Variants in CTTNBP2 observed in about 807,000 individuals in gnomAD.
The protein encoded by CTTNBP2 is cortactin-binding protein 2.
CTTNBP2 carries 108 observed loss-of-function variants against 156.9 expected under a neutral mutation model. The ratio of observed to expected loss-of-function variants is 0.69; its 90% CI spans 0.59 to 0.81. The LOEUF (loss-of-function observed/expected upper bound fraction) is 0.81, where lower values mean the gene tolerates loss of function less well. Among genes scored for constraint, CTTNBP2 ranks in the 30% least tolerant of loss-of-function variants. CTTNBP2 has a pLI of 0.00. For missense variants in CTTNBP2, 1,924 were observed against 2,035.4 expected (o/e 0.95, Z 1.05); for synonymous variants, 767 against 751.8 (o/e 1.02, Z -0.33).
chr7:117,817,760 A>T (rs1019018966), intron 2 of CTTNBP2, among the ~76,000 whole-genome samples: 1 of 152,032 alleles, frequency 6.6e-6, no homozygotes, highest in Admixed American at 6.6e-5. Flanking sequence ...AACAAAAAAA[A>T]CTTTTATTGA....
In CTTNBP2 at chr7:117,720,956, C is replaced by T; in HGVS notation, c.4511+111G>A. On this transcript the variant is annotated intron_variant, in intron 20 of 22. Transcript: ENST00000160373. ...ATGACATATATAACTTTTTTAAAAC[C>T]ATATTAACATAATAGTCATTCAAAT... 3.9e-6 allele frequency: 3 copies of T among 772,520 alleles called. No individual in the cohort carries two copies. The South Asian group carries it at 4.5e-5, about 12-fold the overall frequency. 47.9% of individuals were successfully genotyped at this position (772,520 alleles called of 1,614,324 possible).
intron 3 of CTTNBP2, among the ~76,000 whole-genome samples, chr7:117,803,823 TGAA>T (rs1202536451): frequency 6.6e-6 from 1 of 152,118 alleles, no homozygotes; most frequent in African/African-American, 2.4e-5. Context: ...CAAATGGCAT[TGAA>T]GAAGGAACTA....
chr7:117,719,403 C>CATACT lies in CTTNBP2; in HGVS notation c.4644+96_4644+100dup, dbSNP rs1794650393. 6.3e-6 allele frequency: 7 copies of CATACT among 1,108,904 alleles called. No individual in the cohort carries two copies. The East Asian group carries it at 1.7e-4, about 27-fold the overall frequency. 68.7% of individuals were successfully genotyped at this position (1,108,904 alleles called of 1,614,324 possible). ...GGATGGTTTGATTTGGATCATTAAC[C>CATACT]ATACTATCAATAAGGAATTTCTTTT... is the stretch of plus-strand genomic sequence containing the variant. On this transcript the variant is annotated intron_variant, in intron 21 of 22. Transcript: ENST00000160373.
At chr7:117,866,931 T>G (rs988176880) in intron 1 of CTTNBP2, among the ~76,000 whole-genome samples, 2 of 152,158 alleles carry the variant, frequency 1.3e-5, no homozygotes, top group Non-Finnish European at 2.9e-5. Flanking sequence ...TAAGCAAGAT[T>G]TATGCTTTGG....
chr7:117,795,999 C>T (rs1412173548), intron 3 of CTTNBP2, among the ~76,000 whole-genome samples: 1 of 152,210 alleles, frequency 6.6e-6, no homozygotes, highest in South Asian at 2.1e-4. Context: ...CAAATCTTCA[C>T]CCAGTGACCA....
intron 5 of CTTNBP2, among the ~76,000 whole-genome samples, chr7:117,783,180 CGTGT>C (rs3059528): frequency 2.6e-5 from 4 of 151,548 alleles, no homozygotes; most frequent in Non-Finnish European, 5.9e-5. Context: ...CACTAAGATG[CGTGT>C]GTGTGTGTGC....
At position 117,740,313 on chromosome 7, in the gene CTTNBP2, C is replaced by G. The variant is rs141042684; in HGVS notation, c.3536-4892G>C. Reference sequence around the variant, plus strand: ...AATTATTTAAAATACTTTTGCTACTCTTCATTTCTGTCTTTTTGCTCACAC... The same window carrying G: ...AATTATTTAAAATACTTTTGCTACTGTTCATTTCTGTCTTTTTGCTCACAC... On this transcript the variant is annotated intron_variant, in intron 14 of 22. Transcript: ENST00000160373. 6.8e-3 allele frequency among the ~76,000 whole-genome samples: 1,011 copies of G among 148,800 alleles called. 5 individuals are homozygous for G. The highest frequency in any genetic ancestry group is 0.011 in the Non-Finnish European group (725 of 67,242).
At chr7:117,757,528 TAAAAAAAAAAAA>T (rs56687697) in intron 11 of CTTNBP2, among the ~76,000 whole-genome samples, 1 of 91,442 alleles carries the variant, frequency 1.1e-5, no homozygotes, top group Non-Finnish European at 2.2e-5. Flanking sequence ...TTAAGCACAG[TAAAAAAAAAAAA>T]AAAAAAAAAA....
Position 117,755,707 on chromosome 7 carries a change from A to T in CTTNBP2, c.3348+848T>A, listed in dbSNP as rs1297243570. The T allele has an allele frequency of 1.8e-5, 6 of 333,738 alleles. No homozygotes were observed. The East Asian group carries it at 5.8e-4, about 32-fold the overall frequency. 20.7% of individuals were successfully genotyped at this position (333,738 alleles called of 1,614,324 possible). The stretch of plus-strand genomic sequence containing the variant: ...GCAAAGCATTACATTTATCCATTTT[A>T]CATTTATAATTTGCTACTTTCTTTT... On this transcript the variant is annotated intron_variant, in intron 12 of 22. Coordinates refer to ENST00000160373, the MANE Select transcript of CTTNBP2 (RefSeq NM_033427.3).
At chr7:117,835,923 T>TTGG in intron 2 of CTTNBP2, among the ~76,000 whole-genome samples, 1 of 152,328 alleles carries the variant, frequency 6.6e-6, no homozygotes, top group South Asian at 2.1e-4. Context: ...ATACCTAATA[T>TTGG]TAGTAATAAT....
chr7:117,781,566 C>T (rs1004282332), intron 6 of CTTNBP2, among the ~76,000 whole-genome samples: 9 of 152,150 alleles, frequency 5.9e-5, no homozygotes, highest in Admixed American at 1.3e-4. Context: ...CGGTGAAACC[C>T]GTCTCTACTA....
chr7:117,801,827 C>T (rs185059204), intron 3 of CTTNBP2, among the ~76,000 whole-genome samples: 11 of 152,040 alleles, frequency 7.2e-5, no homozygotes, highest in East Asian at 5.8e-4. Flanking sequence ...ATGCTGATAC[C>T]GTACTATTCT....
At chr7:117,720,702 G>T (rs1794738466) in intron 20 of CTTNBP2, among the ~76,000 whole-genome samples, 1 of 151,942 alleles carries the variant, frequency 6.6e-6, no homozygotes, top group South Asian at 2.1e-4. Context: ...CCAAAAAAAA[G>T]AAAAAAGTCA....
intron 1 of CTTNBP2, among the ~76,000 whole-genome samples, chr7:117,870,841 T>TA (rs970250266): frequency 1.3e-5 from 2 of 152,238 alleles, no homozygotes; most frequent in Non-Finnish European, 2.9e-5. Context: ...ATGTAGCTGT[T>TA]ACCCAGCCTT....
chr7:117,718,050 T>C lies in CTTNBP2; in HGVS notation c.4714A>G (p.Ile1572Val), dbSNP rs201204702. The stretch of plus-strand genomic sequence containing the variant: ...GACACTGGCATTCTCAGATTATTAA[T>C]AGTTGCTGAAAGTACAGGGTTGTTT... ...SGNNPVLSAT[I>V]NNLRMPVSQK... The change falls in exon 22 of 23, where the codon ATT becomes GTT. Residue 1572 changes from isoleucine (I) to valine (V), a missense_variant. By Grantham distance (29) the Ile-to-Val change is conservative. Coordinates refer to ENST00000160373, the MANE Select transcript of CTTNBP2 (RefSeq NM_033427.3). 1.1e-5 allele frequency: 18 copies of C among 1,612,040 alleles called. No homozygotes were observed. The highest frequency in any genetic ancestry group is 1.6e-4 in the Middle Eastern group (1 of 6,080).
chr7:117,773,620 G>C (rs576545747), intron 8 of CTTNBP2, among the ~76,000 whole-genome samples: 1 of 141,490 alleles, frequency 7.1e-6, no homozygotes, highest in Non-Finnish European at 1.5e-5. Context: ...AGGCAGCTGA[G>C]AATAAAGCTT....
intron 16 of CTTNBP2, among the ~76,000 whole-genome samples, chr7:117,730,766 C>A (rs1280846313): frequency 2.0e-5 from 3 of 151,268 alleles, no homozygotes; most frequent in Admixed American, 2.0e-4. Flanking sequence ...AAGAAAATAA[C>A]CCTAAATTTT....
intron 16 of CTTNBP2, among the ~76,000 whole-genome samples, chr7:117,732,144 C>G (rs769330504): frequency 2.6e-5 from 4 of 152,010 alleles, no homozygotes; most frequent in Admixed American, 6.6e-5. Context: ...AGATAAAATG[C>G]TAACGTCACC....
At chr7:117,808,059 T>G (rs954251982) in intron 3 of CTTNBP2, among the ~76,000 whole-genome samples, 2 of 152,208 alleles carry the variant, frequency 1.3e-5, no homozygotes, top group Non-Finnish European at 2.9e-5. Context: ...CACACAGTTA[T>G]TTTTAGTTTT....
Sources: allele counts gnomAD v4.1 joint callset (sites outside exome capture counted in the v4.1 genomes callset), GRCh38; gene constraint gnomAD v4.1.1; transcripts MANE v1.5; gene names NCBI Gene and HGNC (gene_info 2026-07-23, HGNC 2026-07-21).